Variants in CCDC138 observed in about 807,000 individuals in gnomAD.
CCDC138 encodes the protein coiled-coil domain-containing protein 138.
CCDC138 carries 66 observed loss-of-function variants against 82.3 expected under a neutral mutation model. The observed-to-expected ratio is 0.80, with a 90% CI of 0.66 to 0.98. CCDC138 has a LOEUF of 0.98. CCDC138 is among the 50% of genes least tolerant of loss of function. CCDC138 has a pLI of 0.00. For synonymous variants in CCDC138, 297 were observed against 265.4 expected (o/e 1.12, Z -1.16); for missense variants, 816 against 758.9 (o/e 1.08, Z -0.88).
downstream of CCDC138, among the ~76,000 whole-genome samples, chr2:108,878,692 G>T (rs1696188037): frequency 6.6e-6 from 1 of 152,196 alleles, no homozygotes; most frequent in Non-Finnish European, 1.5e-5. Context: ...AAAGCAATAT[G>T]TTAGTAGTAA....
intron 12 of CCDC138, among the ~76,000 whole-genome samples, chr2:108,853,931 A>AT (rs1692046742): frequency 3.2e-5 from 4 of 123,940 alleles, no homozygotes; most frequent in African/African-American, 1.3e-4. Flanking sequence ...TATTATATAT[A>AT]ATTTATATAT....
chr2:108,788,098 G>A lies in CCDC138; in HGVS notation c.151+9G>A. ...AACTCTAACCTCCCCAGGTAAGCCG[G>A]TATTTTGTATATTTGGGGGTTTCAA... On this transcript the variant is annotated intron_variant, in intron 2 of 14. Transcript: ENST00000295124. 1 of 1,602,416 alleles carries A rather than the reference G, an allele frequency of 6.2e-7. No individual in the cohort carries two copies. The highest frequency in any genetic ancestry group is 1.1e-5 in the South Asian group (1 of 89,056).
chr2:108,826,142 T>G (rs1209337847), intron 10 of CCDC138, among the ~76,000 whole-genome samples: 1 of 152,210 alleles, frequency 6.6e-6, no homozygotes, highest in African/African-American at 2.4e-5. Context: ...GTTTTGTTTT[T>G]AAATATTCAA....
chr2:108,798,446 CAG>C lies in CCDC138; in HGVS notation c.597_598del (p.Lys200IlefsTer3). ...LKLQCETAAQ[Q>X]KFAEELQKRE... ...GATACAGTGTGAAACTGCAGCACAA[CAG>C]AAATTTGCTGAAGAACTTCAAAAGC... On this transcript the variant is annotated frameshift_variant, in exon 6 of 15. Coordinates refer to ENST00000295124, the MANE Select transcript of CCDC138 (RefSeq NM_144978.3). LOFTEE classifies it high-confidence loss of function. 1 of 1,612,968 alleles carries C rather than the reference CAG, an allele frequency of 6.2e-7. No homozygotes were observed. The highest frequency in any genetic ancestry group is 8.5e-7 in the Non-Finnish European group (1 of 1,179,604).
At chr2:108,834,549 A>G (rs1688273245) in intron 10 of CCDC138, among the ~76,000 whole-genome samples, 1 of 152,216 alleles carries the variant, frequency 6.6e-6, no homozygotes, top group South Asian at 2.1e-4. Context: ...GTATTGTCAA[A>G]TAGTTGACAT....
Position 108,839,127 on chromosome 2 carries a change from T to C in CCDC138, c.1207-58T>C, listed in dbSNP as rs547039847. On this transcript the variant is annotated intron_variant, in intron 10 of 14. Transcript: ENST00000295124. ...AATTTTGGAAAATTGTGGTAATTGATTTAAGACATTTAAAAATACTGTGCC... is the reference window on the plus strand; with the variant it reads ...AATTTTGGAAAATTGTGGTAATTGACTTAAGACATTTAAAAATACTGTGCC... 1.6e-5 allele frequency: 24 copies of C among 1,499,634 alleles called. No homozygotes were observed. The African/African-American group carries it at 2.0e-4, about 12-fold the overall frequency. The allele number at this position is 1,499,634 out of a possible 1,614,324, so 92.9% of individuals were successfully genotyped here.
intron 5 of CCDC138, among the ~76,000 whole-genome samples, chr2:108,797,090 C>G (rs1427390422): frequency 6.6e-6 from 1 of 152,102 alleles, no homozygotes; most frequent in Non-Finnish European, 1.5e-5. Context: ...AAGATCTGAG[C>G]AGTTGTAGGT....
intron 10 of CCDC138, among the ~76,000 whole-genome samples, chr2:108,838,480 T>A (rs1285476258): frequency 6.6e-6 from 1 of 152,174 alleles, no homozygotes; most frequent in Admixed American, 6.5e-5. Context: ...TCTTTGTACA[T>A]GGCTTTTGGA....
chr2:108,818,286 A>T (rs777150435), intron 10 of CCDC138, among the ~76,000 whole-genome samples: 3 of 152,200 alleles, frequency 2.0e-5, no homozygotes, highest in Non-Finnish European at 4.4e-5. Context: ...CAGCCTGGGC[A>T]ACAGAGTGAG....
rs537816885 is a variant in CCDC138, at chr2:108,798,580, A to G, written c.729A>G (p.Ile243Met). 1.5e-5 allele frequency: 24 copies of G among 1,604,654 alleles called. No homozygotes were observed. The highest frequency in any genetic ancestry group is 2.0e-5 in the Non-Finnish European group (23 of 1,174,762). ...AGGTTCTTACAAGATTTCAAATTAT[A>G]AAAGAGGTAACTATATAGCCTTTGA... ...EEEVLTRFQI[I>M]KEQHDAEVEH... The change falls in exon 6 of 15, where the codon ATA (isoleucine) becomes ATG (methionine). Residue 243 changes from isoleucine to methionine, a missense_variant. By Grantham distance (10) the Ile-to-Met change is conservative. Transcript: ENST00000295124.
intron 12 of CCDC138, among the ~76,000 whole-genome samples, chr2:108,852,209 A>G (rs1444500793): frequency 6.6e-6 from 1 of 152,208 alleles, no homozygotes; most frequent in African/African-American, 2.4e-5. Flanking sequence ...AGCTGCACAC[A>G]ATCAGTATGT....
At chr2:108,864,641 C>T (rs1362167835) in intron 13 of CCDC138, among the ~76,000 whole-genome samples, 1 of 151,742 alleles carries the variant, frequency 6.6e-6, no homozygotes, top group African/African-American at 2.4e-5. Context: ...ACTAAAAAAA[C>T]AAAAAAGCCA....
downstream of CCDC138, among the ~76,000 whole-genome samples, chr2:108,876,817 A>G (rs908014541): frequency 6.6e-6 from 1 of 152,194 alleles, no homozygotes; most frequent in Non-Finnish European, 1.5e-5. Flanking sequence ...TTACTGGAGC[A>G]TGTATATACA....
chr2:108,820,417 A>G (rs973399353), intron 10 of CCDC138, among the ~76,000 whole-genome samples: 22 of 152,188 alleles, frequency 1.4e-4, no homozygotes, highest in African/African-American at 5.1e-4. Flanking sequence ...GCTTATTTGT[A>G]GAAATAATGG....
At chr2:108,823,236 C>G (rs1686001908) in intron 10 of CCDC138, among the ~76,000 whole-genome samples, 1 of 152,206 alleles carries the variant, frequency 6.6e-6, no homozygotes, top group Admixed American at 6.5e-5. Flanking sequence ...CACCCATCCT[C>G]CTCATATTCT....
chr2:108,868,073 C>T (rs1291364412), intron 13 of CCDC138, among the ~76,000 whole-genome samples: 4 of 152,172 alleles, frequency 2.6e-5, no homozygotes, highest in African/African-American at 9.7e-5. Flanking sequence ...TGGACATAAT[C>T]ATTACCAAAG....
intron 10 of CCDC138, among the ~76,000 whole-genome samples, chr2:108,830,307 T>C (rs1232216284): frequency 6.6e-6 from 1 of 152,132 alleles, no homozygotes; most frequent in Non-Finnish European, 1.5e-5. Flanking sequence ...ATTTTGGCAT[T>C]TTGCAAAAGT....
intron 6 of CCDC138, among the ~76,000 whole-genome samples, chr2:108,799,280 C>T (rs548175060): frequency 2.0e-5 from 3 of 152,218 alleles, no homozygotes; most frequent in African/African-American, 7.2e-5. Flanking sequence ...GTATAATATA[C>T]CTTGCTTCAT....
At position 108,786,964 on chromosome 2, in the gene CCDC138, C is replaced by CG. The variant is rs1678911109; in HGVS notation, c.93+51dup. 1.5e-6 allele frequency: 2 copies of CG among 1,296,816 alleles called. 1 individual carries two copies. The highest frequency in any genetic ancestry group is 3.2e-5 in the African/African-American group (2 of 63,374). The allele number at this position is 1,296,816 out of a possible 1,614,324, so 80.3% of individuals were successfully genotyped here. On this transcript the variant is annotated intron_variant, in intron 1 of 14. Transcript: ENST00000295124. The stretch of plus-strand genomic sequence containing the variant: ...CGGGTGGGCTCCTGCTGCTGGGGGG[C>CG]GGCCCGCTCCGTGCCCCGCGCAGCC...
Sources: allele counts gnomAD v4.1 joint callset (sites outside exome capture counted in the v4.1 genomes callset), GRCh38; gene constraint gnomAD v4.1.1; transcripts MANE v1.5; gene names NCBI Gene and HGNC (gene_info 2026-07-23, HGNC 2026-07-21).